ANK1: variants seen among roughly 807,000 people sequenced by gnomAD.
ANK1 encodes the protein ankyrin-1.
A neutral mutation model predicts 210.4 loss-of-function variants in ANK1; 51 were observed. That is an observed-to-expected ratio of 0.24 (90% CI 0.19 to 0.31). The LOEUF (loss-of-function observed/expected upper bound fraction) is 0.31, where lower values mean the gene tolerates loss of function less well. ANK1 is among the 10% of genes least tolerant of loss of function. The pLI, the probability that ANK1 is intolerant of heterozygous loss-of-function variation, is 1.00. For missense variants in ANK1, 2,051 were observed against 2,504.4 expected (o/e 0.82, Z 3.86); for synonymous variants, 967 against 1,025.9 (o/e 0.94, Z 1.10).
chr8:41,758,214 C>A (rs1278876247), intron 1 of ANK1, 77 bp from the exon 2 acceptor site: 2 of 1,290,028 alleles, frequency 1.6e-6, no homozygotes, highest in African/African-American at 2.9e-5. Flanking sequence ...TCCCAGGCCC[C>A]CGCAGCAGCC....
chr8:41,719,847 G>C lies in ANK1; in HGVS notation c.921C>G (p.Ser307=), dbSNP rs757803149. 1 of 1,614,066 alleles carries C rather than the reference G, an allele frequency of 6.2e-7. No individual in the cohort carries two copies. The highest frequency in any genetic ancestry group is 1.3e-5 in the African/African-American group (1 of 74,912). The change falls in exon 10 of 43, where the codon TCC becomes TCG. Residue 307 remains serine (S), a synonymous_variant. Coordinates refer to ENST00000289734, the MANE Select transcript of ANK1 (RefSeq NM_000037.4). ...PIQAKTKNGL[S]PIHMAAQGDH... is the part of the protein sequence containing the mutation. ...CTCCCTGAGCCGCCATGTGAATTGG[G>C]GACAGGCCGTTCTGGGTAAAGAGGA...
upstream of ANK1, among the ~76,000 whole-genome samples, chr8:41,799,657 C>T (rs969334587): frequency 2.0e-5 from 3 of 152,098 alleles, no homozygotes; most frequent in South Asian, 2.1e-4. Context: ...TGGTGCCTCC[C>T]CAGTCCCTCA....
intron 1 of ANK1, among the ~76,000 whole-genome samples, chr8:41,883,739 C>T (rs1455944005): frequency 2.0e-5 from 3 of 152,140 alleles, no homozygotes; most frequent in Non-Finnish European, 2.9e-5. Flanking sequence ...GGATTACAGG[C>T]ATGAGCTACA....
chr8:41,860,184 C>T (rs1013615063), intron 1 of ANK1, among the ~76,000 whole-genome samples: 6 of 152,192 alleles, frequency 3.9e-5, no homozygotes, highest in African/African-American at 1.4e-4. Context: ...TCCGCTAAGT[C>T]TCCAAAGCCC....
At chr8:41,791,094 T>G (rs1294092072) in intron 1 of ANK1, among the ~76,000 whole-genome samples, 2 of 152,024 alleles carry the variant, frequency 1.3e-5, no homozygotes, top group Admixed American at 6.5e-5. Flanking sequence ...CTCCACTGTT[T>G]GCAAATCATC....
intron 1 of ANK1, among the ~76,000 whole-genome samples, chr8:41,787,126 G>T (rs1846577598): frequency 6.6e-6 from 1 of 152,228 alleles, no homozygotes; most frequent in East Asian, 1.9e-4. Flanking sequence ...GAGGAGCTGG[G>T]AAGCTGGACT....
chr8:41,746,769 G>A (rs531251200), intron 2 of ANK1, among the ~76,000 whole-genome samples: 10 of 151,638 alleles, frequency 6.6e-5, no homozygotes, highest in South Asian at 2.1e-4. Flanking sequence ...GTGTGAGCTC[G>A]AGTTAATGAG....
chr8:41,767,237 C>T (rs1017855039), intron 1 of ANK1, among the ~76,000 whole-genome samples: 6 of 151,992 alleles, frequency 3.9e-5, no homozygotes, highest in African/African-American at 1.2e-4. Context: ...CAGCCGGGCG[C>T]GGAGCCACAA....
At chr8:41,760,379 T>C (rs1467497704) in intron 1 of ANK1, among the ~76,000 whole-genome samples, 2 of 152,202 alleles carry the variant, frequency 1.3e-5, no homozygotes. Context: ...ACATACTCTC[T>C]TGCCTGCTGC....
At position 41,654,726 on chromosome 8, in the gene ANK1, T is replaced by C. The variant is rs1219413185; in HGVS notation, c.*1064A>G. The stretch of plus-strand genomic sequence containing the variant: ...TGGTTTGCATAGTATTTATTGTTTT[T>C]CATATACACAAGGCTGATTACTGTA... On this transcript the variant is annotated 3_prime_UTR_variant, in exon 43 of 43. Coordinates refer to ENST00000289734, the MANE Select transcript of ANK1 (RefSeq NM_000037.4). 1 of 152,690 alleles carries C rather than the reference T, an allele frequency of 6.5e-6. No homozygotes were observed. Among genetic ancestry groups the C allele is most frequent in the Non-Finnish European group, 1.5e-5 (1 of 68,054 alleles). 9.5% of individuals were successfully genotyped at this position (152,690 alleles called of 1,614,324 possible).
chr8:41,789,074 T>C (rs1041641641), intron 1 of ANK1: 3 of 152,256 alleles, frequency 2.0e-5, no homozygotes, highest in African/African-American at 7.2e-5. Context: ...TGGCACACTC[T>C]CTTGCTTTCC....
intron 18 of ANK1, among the ~76,000 whole-genome samples, chr8:41,705,471 C>T (rs1824308365): frequency 6.6e-6 from 1 of 152,210 alleles, no homozygotes; most frequent in Non-Finnish European, 1.5e-5. Flanking sequence ...TTCAGCATAA[C>T]ATTGTTGCCG....
At chr8:41,690,787 T>C (rs975196266) in intron 31 of ANK1, among the ~76,000 whole-genome samples, 188 bp from the exon 32 acceptor site, 1 of 152,268 alleles carries the variant, frequency 6.6e-6, no homozygotes, top group Admixed American at 6.5e-5. Flanking sequence ...CAATGAGGCA[T>C]GCTTCCCGAC....
intron 2 of ANK1, among the ~76,000 whole-genome samples, chr8:41,740,494 A>G (rs1402092723): frequency 6.6e-6 from 1 of 151,914 alleles, no homozygotes; most frequent in Non-Finnish European, 1.5e-5. Flanking sequence ...CCCGGGCCCA[A>G]AACAATCTAC....
At chr8:41,659,576 C>T (rs571574331) in intron 42 of ANK1, among the ~76,000 whole-genome samples, 6 of 152,282 alleles carry the variant, frequency 3.9e-5, no homozygotes, top group African/African-American at 1.4e-4. Flanking sequence ...GGCCCTCAAC[C>T]GTCTTCTCTG....
At chr8:41,754,081 C>A (rs1021350182) in intron 2 of ANK1, among the ~76,000 whole-genome samples, 3 of 152,186 alleles carry the variant, frequency 2.0e-5, no homozygotes, top group African/African-American at 7.2e-5. Context: ...GTATGCATAT[C>A]TGTTTGTGTC....
chr8:41,835,406 C>A (rs62508229), intron 1 of ANK1, among the ~76,000 whole-genome samples: 2 of 151,870 alleles, frequency 1.3e-5, no homozygotes, highest in South Asian at 4.1e-4. Context: ...GAGCTGAGAT[C>A]GTATTATTGC....
chr8:41,882,396 G>C (rs572975249), intron 1 of ANK1, among the ~76,000 whole-genome samples: 1 of 152,154 alleles, frequency 6.6e-6, no homozygotes, highest in Admixed American at 6.5e-5. Flanking sequence ...ACCTTCCTGG[G>C]GGAGTTCCCT....
Position 41,882,699 on chromosome 8 carries a change from G to T in ANK1, c.126+13656C>A, listed in dbSNP as rs529542200. 6.8e-4 allele frequency among the ~76,000 whole-genome samples: 103 copies of T among 152,340 alleles called. 1 individual carries two copies. The South Asian group carries it at 8.7e-3, about 13-fold the overall frequency. On this transcript the variant is annotated intron_variant, in intron 1 of 42. Coordinates refer to the ANK1 transcript ENST00000265709. ...CAAAAAGCAGGCCTGTCTGACCCTG[G>T]TTTCATGCACCCCACAGAACATCGC...
Sources: allele counts gnomAD v4.1 joint callset (sites outside exome capture counted in the v4.1 genomes callset), GRCh38; gene constraint gnomAD v4.1.1; transcripts MANE v1.5; gene names NCBI Gene and HGNC (gene_info 2026-07-23, HGNC 2026-07-21).